RHPN2: variants seen among roughly 807,000 people sequenced by gnomAD.
RHPN2 encodes the protein rhophilin-2.
RHPN2 carries 40 observed loss-of-function variants against 79.0 expected under a neutral mutation model. The ratio of observed to expected loss-of-function variants is 0.51; its 90% confidence interval spans 0.39 to 0.66. The LOEUF is 0.66. Ranked by LOEUF, RHPN2 falls within the 30% of genes least tolerant of loss-of-function variation. The probability of loss-of-function intolerance (pLI) is 0.00; values close to 1 mark genes in which losing one functional copy is unlikely to be tolerated. For synonymous variants in RHPN2, 285 were observed against 363.5 expected (o/e 0.78, Z 2.46); for missense variants, 686 against 883.5 (o/e 0.78, Z 2.83).
At chr19:33,007,055 T>TAAATA (rs1279550791) in intron 7 of RHPN2, among the ~76,000 whole-genome samples, 1 of 150,860 alleles carries the variant, frequency 6.6e-6, no homozygotes, top group Non-Finnish European at 1.5e-5. Context: ...AATAAACAAA[T>TAAATA]AAATAAAATA....
At chr19:33,064,755 T>TGGGGGCGC in intron 1 of RHPN2, 29 bp downstream of exon 1, 1 of 1,427,948 alleles carries the variant, frequency 7.0e-7, no homozygotes, top group Non-Finnish European at 9.4e-7. Context: ...AGCCCGCAGG[T>TGGGGGCGC]CCCCGCCCGC....
intron 6 of RHPN2, among the ~76,000 whole-genome samples, chr19:33,009,748 C>T (rs1971821678): frequency 6.6e-6 from 1 of 152,040 alleles, no homozygotes; most frequent in South Asian, 2.1e-4. Flanking sequence ...AGCCACCACA[C>T]CCAGCCTAGG....
At chr19:32,993,914 A>C (rs1197254123) in intron 12 of RHPN2, 63 bp downstream of exon 12, 1 of 1,237,342 alleles carries the variant, frequency 8.1e-7, no homozygotes, top group East Asian at 2.3e-5. Context: ...CTAAGACACC[A>C]TACTCGCCAA....
chr19:32,979,670 C>A lies in RHPN2; in HGVS notation c.*326G>T. 1 of 312,400 alleles carries A rather than the reference C, an allele frequency of 3.2e-6. No homozygotes were observed. The highest frequency in any genetic ancestry group is 6.1e-6 in the Non-Finnish European group (1 of 164,598). The allele number at this position is 312,400 out of a possible 1,614,324, so 19.4% of individuals were successfully genotyped here. Reference sequence around the variant, plus strand: ...ACAAATTGTACTGATATAGGTAACCCCAATTTAATAGTGACTAAAAGTCAT... The same window carrying A: ...ACAAATTGTACTGATATAGGTAACCACAATTTAATAGTGACTAAAAGTCAT... On this transcript the variant is annotated 3_prime_UTR_variant, in exon 15 of 15. Coordinates refer to ENST00000254260, the MANE Select transcript of RHPN2 (RefSeq NM_033103.5).
chr19:33,046,295 T>C lies in RHPN2; in HGVS notation c.70-1931A>G, dbSNP rs182621702. ...GATTCTGTTTTTTTGAGACAGAGGC[T>C]TGTTCTGTCGTCCAGGCTTGAGTGC... On this transcript the variant is annotated intron_variant, in intron 1 of 14. Coordinates refer to ENST00000254260, the MANE Select transcript of RHPN2 (RefSeq NM_033103.5). Among the ~76,000 whole-genome samples, 200 of 152,334 alleles carry C rather than the reference T, an allele frequency of 1.3e-3. 2 individuals carry two copies. The highest frequency in any genetic ancestry group is 2.8e-3 in the Admixed American group (43 of 15,284).
chr19:33,011,241 A>G (rs1428933630), intron 6 of RHPN2, among the ~76,000 whole-genome samples: 1 of 152,146 alleles, frequency 6.6e-6, no homozygotes, highest in Non-Finnish European at 1.5e-5. Context: ...ACCCCATTTC[A>G]AAAGAAACCT....
intron 2 of RHPN2, among the ~76,000 whole-genome samples, chr19:33,044,030 C>T (rs71351710): frequency 0.11 from 16,503 of 152,056 alleles, 1,032 homozygotes; most frequent in South Asian, 0.19. Flanking sequence ...AAATGCCACA[C>T]CGTCTGCATC....
At chr19:33,006,446 G>A (rs932470303) in intron 7 of RHPN2, among the ~76,000 whole-genome samples, 9 of 152,276 alleles carry the variant, frequency 5.9e-5, no homozygotes, top group South Asian at 2.1e-4. Flanking sequence ...GAAATTTCAC[G>A]ATGAGTCAAA....
chr19:32,996,860 TACA>T (rs1479554567), intron 10 of RHPN2, among the ~76,000 whole-genome samples: 2 of 152,170 alleles, frequency 1.3e-5, no homozygotes, highest in Non-Finnish European at 2.9e-5. Flanking sequence ...CTCGCTTGGT[TACA>T]ACAAGCCTTT....
At chr19:32,981,615 A>G (rs190120951) in intron 14 of RHPN2, among the ~76,000 whole-genome samples, 1 of 151,590 alleles carries the variant, frequency 6.6e-6, no homozygotes, top group East Asian at 1.9e-4. Context: ...GTATTTCTAT[A>G]TGTACCTAAG....
At chr19:32,999,268 G>A (rs1683638292) in intron 10 of RHPN2, among the ~76,000 whole-genome samples, 1 of 152,098 alleles carries the variant, frequency 6.6e-6, no homozygotes, top group South Asian at 2.1e-4. Flanking sequence ...TGGTAATTCA[G>A]CCATGCATAA....
At chr19:33,013,510 G>A (rs571028487) in intron 4 of RHPN2, among the ~76,000 whole-genome samples, 8 of 152,028 alleles carry the variant, frequency 5.3e-5, no homozygotes, top group African/African-American at 1.7e-4. Context: ...GTTTTTAAAT[G>A]TTGTGCTGCT....
At chr19:33,003,173 C>T (rs552053369) in intron 7 of RHPN2, among the ~76,000 whole-genome samples, 173 bp from the exon 8 acceptor site, 4 of 151,814 alleles carry the variant, frequency 2.6e-5, no homozygotes, top group South Asian at 2.1e-4. Flanking sequence ...GCGTGGGCAA[C>T]GTGGTGAAAC....
chr19:32,992,442 CAGCCTCCCAA>C (rs1272972906), intron 12 of RHPN2, among the ~76,000 whole-genome samples: 1 of 152,204 alleles, frequency 6.6e-6, no homozygotes, highest in Non-Finnish European at 1.5e-5. Flanking sequence ...CCGCCCGCCT[CAGCCTCCCAA>C]AGTGCTGGGA....
rs139320523 is a variant in RHPN2, at chr19:33,030,466, G to A, written c.186-3834C>T. Among the ~76,000 whole-genome samples, 413 of 152,114 alleles carry A rather than the reference G, an allele frequency of 2.7e-3. 2 individuals carry two copies. The highest frequency in any genetic ancestry group is 6.8e-3 in the Middle Eastern group (2 of 294). ...AAATTAGCCAGGCATAGTGGCACAC[G>A]CCTGTAGTCCCAGCTACTCAGGAGG... On this transcript the variant is annotated intron_variant, in intron 2 of 14. Coordinates refer to ENST00000254260, the MANE Select transcript of RHPN2 (RefSeq NM_033103.5).
chr19:32,980,252 T>C lies in RHPN2; in HGVS notation c.1805A>G (p.Asn602Ser), dbSNP rs759904545. ...TCCCACGGAGTATGTGGCACTCTTA[T>C]TATGCTGCACATAGAAAAGTAAGAA... ...SLLDSTSSMHNKSATYSVGMQ... is the reference protein window; with the variant it reads ...SLLDSTSSMHSKSATYSVGMQ... The change falls in exon 15 of 15, where the codon AAT (asparagine) becomes AGT (serine). Residue 602 changes from asparagine (N) to serine (S), a missense_variant. Physicochemically the swap from Asn to Ser is conservative, Grantham distance 46. Transcript: ENST00000254260. 9 of 1,613,896 alleles carry C rather than the reference T, an allele frequency of 5.6e-6. No homozygotes were observed. Among genetic ancestry groups the C allele is most frequent in the East Asian group, 4.5e-5 (2 of 44,882 alleles).
chr19:33,038,070 G>T (rs778516255), intron 2 of RHPN2, among the ~76,000 whole-genome samples: 1 of 152,068 alleles, frequency 6.6e-6, no homozygotes, highest in Non-Finnish European at 1.5e-5. Context: ...CCGAATGCCA[G>T]TCAGGTGTGG....
intron 2 of RHPN2, among the ~76,000 whole-genome samples, chr19:33,028,669 C>T (rs138330080): frequency 6.6e-6 from 1 of 152,034 alleles, no homozygotes; most frequent in Non-Finnish European, 1.5e-5. Flanking sequence ...AGATATCAAG[C>T]CTCCTTAGTT....
chr19:33,002,085 T>C (rs1159913336), intron 9 of RHPN2, among the ~76,000 whole-genome samples, 162 bp downstream of exon 9: 2 of 152,134 alleles, frequency 1.3e-5, no homozygotes, highest in South Asian at 2.1e-4. Context: ...AACCCCACCA[T>C]GGCCTGTGCG....
Sources: allele counts gnomAD v4.1 joint callset (sites outside exome capture counted in the v4.1 genomes callset), GRCh38; gene constraint gnomAD v4.1.1; transcripts MANE v1.5; gene names NCBI Gene and HGNC (gene_info 2026-07-23, HGNC 2026-07-21).